Variants in TDRD1 observed in about 807,000 individuals in gnomAD.
TDRD1 encodes the protein tudor domain-containing protein 1.
A neutral mutation model predicts 140.6 loss-of-function variants in TDRD1; 37 were observed. The ratio of observed to expected loss-of-function variants is 0.26; its 90% CI spans 0.20 to 0.35. The LOEUF is 0.35. TDRD1 is among the 10% of genes least tolerant of loss of function. The pLI, the probability that TDRD1 is intolerant of heterozygous loss-of-function variation, is 1.00. For missense variants in TDRD1, 1,243 were observed against 1,393.0 expected (o/e 0.89, Z 1.71); for synonymous variants, 506 against 475.7 (o/e 1.06, Z -0.83).
intron 1 of TDRD1, among the ~76,000 whole-genome samples, chr10:114,182,173 T>A (rs1167727724): frequency 1.3e-5 from 2 of 152,164 alleles, no homozygotes; most frequent in African/African-American, 4.8e-5. Flanking sequence ...GAGAGTCATG[T>A]CAGTATAAGA....
chr10:114,232,458 A>G (rs1357812840), downstream of TDRD1, among the ~76,000 whole-genome samples: 1 of 149,228 alleles, frequency 6.7e-6, no homozygotes, highest in Non-Finnish European at 1.5e-5. Flanking sequence ...CTGTCAGACT[A>G]TGAAACCTAA....
At chr10:114,214,216 G>T in intron 16 of TDRD1, 102 bp downstream of exon 16, 1 of 968,888 alleles carries the variant, frequency 1.0e-6, no homozygotes, top group Non-Finnish European at 1.6e-6. Flanking sequence ...CTCTTTCCAA[G>T]AAGAGCCAAG....
chr10:114,208,946 TG>T (rs1271719639), intron 11 of TDRD1, among the ~76,000 whole-genome samples: 2 of 152,132 alleles, frequency 1.3e-5, no homozygotes, highest in African/African-American at 4.8e-5. Flanking sequence ...CATGCCCAGC[TG>T]ATTTTTTTGT....
chr10:114,225,162 G>C (rs1392789048), intron 21 of TDRD1, among the ~76,000 whole-genome samples: 1 of 152,212 alleles, frequency 6.6e-6, no homozygotes, highest in Non-Finnish European at 1.5e-5. Flanking sequence ...CTCAGGAGAG[G>C]AAACCTCCAG....
Position 114,205,475 on chromosome 10 carries a change from A to G in TDRD1, c.1297+582A>G, listed in dbSNP as rs183878901. ...GTTAAGTAAAAATCTGTTGTTTGCT[A>G]TGTTTCATGTTACAATCTCAGCTTT... On this transcript the variant is annotated intron_variant, in intron 10 of 25. Coordinates refer to ENST00000251864, the Ensembl canonical transcript of TDRD1. 3.4e-3 allele frequency among the ~76,000 whole-genome samples: 520 copies of G among 152,276 alleles called. 3 individuals carry two copies. Among genetic ancestry groups the G allele is most frequent in the Non-Finnish European group, 5.1e-3 (347 of 68,020 alleles).
At position 114,229,820 on chromosome 10, in the gene TDRD1, T is replaced by A. The variant is rs868790021; in HGVS notation, c.3539-1666T>A. Among the ~76,000 whole-genome samples, 984 of 150,148 alleles carry A rather than the reference T, an allele frequency of 6.6e-3. 13 individuals are homozygous for A. Among genetic ancestry groups the A allele is most frequent in the African/African-American group, 0.023 (931 of 41,148 alleles). ...TCAAGTCACTATATATATATATATT[T>A]TTTTTTTATTTTTTATTTTTATTTT... On this transcript the variant is annotated intron_variant, in intron 25 of 25. Transcript: ENST00000251864.
At chr10:114,178,094 C>T (rs1345505945), upstream of TDRD1, among the ~76,000 whole-genome samples, 4 of 152,124 alleles carry the variant, frequency 2.6e-5, no homozygotes, top group East Asian at 3.9e-4. Flanking sequence ...CTGCCTGCCT[C>T]GGCCTCCCAA....
chr10:114,219,959 A>G (rs1057056634), intron 18 of TDRD1, among the ~76,000 whole-genome samples: 11 of 152,168 alleles, frequency 7.2e-5, no homozygotes, highest in Admixed American at 7.2e-4. Context: ...CAAACCAGCA[A>G]CATCAACATG....
At chr10:114,198,766 T>A (rs1437516055) in intron 3 of TDRD1, among the ~76,000 whole-genome samples, 1 of 152,148 alleles carries the variant, frequency 6.6e-6, no homozygotes, top group Non-Finnish European at 1.5e-5. Flanking sequence ...TGTTCCTCCC[T>A]CCTCAGCCTC....
intron 4 of TDRD1, 44 bp downstream of exon 4, chr10:114,199,361 T>C (rs1292304230): frequency 5.8e-6 from 9 of 1,558,904 alleles, no homozygotes; most frequent in Non-Finnish European, 7.8e-6. Context: ...CTTCCACATA[T>C]TTGAAAAACA....
intron 14 of TDRD1, among the ~76,000 whole-genome samples, chr10:114,212,648 G>A (rs2035559657): frequency 6.6e-6 from 1 of 152,136 alleles, no homozygotes; most frequent in African/African-American, 2.4e-5. Flanking sequence ...CATAACTGTT[G>A]GATTGCTGAT....
chr10:114,221,651 G>A (rs1310347811), intron 20 of TDRD1, among the ~76,000 whole-genome samples, 175 bp downstream of exon 20: 1 of 152,182 alleles, frequency 6.6e-6, no homozygotes, highest in Non-Finnish European at 1.5e-5. Flanking sequence ...GGAACATGAA[G>A]GGAAGCCCTA....
intron 25 of TDRD1, among the ~76,000 whole-genome samples, chr10:114,229,266 G>A (rs1323074246): frequency 6.6e-6 from 1 of 152,134 alleles, no homozygotes; most frequent in Non-Finnish European, 1.5e-5. Context: ...TCAAGAGGTG[G>A]CTATAATACT....
rs2036309087 is a variant in TDRD1, at chr10:114,224,257, GT to G, written c.3007+1558del. Among the ~76,000 whole-genome samples, 9 of 152,298 alleles carry G rather than the reference GT, an allele frequency of 5.9e-5. No homozygotes were observed. In the South Asian group the frequency reaches 1.7e-3, roughly 28 times the overall value. ...AATTTTGAGGCACTGCTTTTATTGTGTTTTAGCTATTGGTGTTTCTGGTCAA... is the reference window on the plus strand; with the variant it reads ...AATTTTGAGGCACTGCTTTTATTGTGTTTAGCTATTGGTGTTTCTGGTCAA... On this transcript the variant is annotated intron_variant, in intron 21 of 25. Transcript: ENST00000251864.
At chr10:114,206,479 AGT>A in intron 11 of TDRD1, 149 bp downstream of exon 11, 1 of 582,056 alleles carries the variant, frequency 1.7e-6, no homozygotes, top group Non-Finnish European at 3.0e-6. Flanking sequence ...TATATTTAGT[AGT>A]ATATCATTTC....
At chr10:114,176,759 G>A (rs1483299428), upstream of TDRD1, among the ~76,000 whole-genome samples, 1 of 152,150 alleles carries the variant, frequency 6.6e-6, no homozygotes, top group Non-Finnish European at 1.5e-5. This position sits in a 1 kb window ranked among gnomAD's most constrained non-coding sequence, Gnocchi z 4.2. Context: ...GGGCGGCAGA[G>A]CAAGACCCTT....
intron 4 of TDRD1, 110 bp from the exon 5 acceptor site, chr10:114,201,300 T>A: frequency 1.2e-6 from 1 of 833,944 alleles, no homozygotes; most frequent in Non-Finnish European, 2.0e-6. Context: ...CACCTGATCC[T>A]AAATAGCACA....
chr10:114,209,396 A>C (rs998099816), intron 11 of TDRD1, among the ~76,000 whole-genome samples: 2 of 152,194 alleles, frequency 1.3e-5, no homozygotes, highest in African/African-American at 4.8e-5. Flanking sequence ...CCCTTACTCC[A>C]GTTTAGTGCT....
At chr10:114,180,402 C>G (rs1001522640) in intron 1 of TDRD1, among the ~76,000 whole-genome samples, 2 of 152,200 alleles carry the variant, frequency 1.3e-5, no homozygotes, top group African/African-American at 2.4e-5. Context: ...ACGAGACTTA[C>G]CTGGCTGACT....
Sources: gnomAD v4.1 joint callset for allele counts (sites outside exome capture counted in the v4.1 genomes callset) on GRCh38, gnomAD v4.1.1 for gene constraint, Gnocchi (gnomAD v3.1) non-coding constraint, MANE v1.5 for transcripts, NCBI Gene and HGNC (gene_info 2026-07-23, HGNC 2026-07-21) for gene names.